The following SMOC2 variants were observed in gnomAD, a reference collection of about 807,000 sequenced individuals.
The protein encoded by SMOC2 is SPARC-related modular calcium-binding protein 2.
A neutral mutation model predicts 61.4 loss-of-function variants in SMOC2; 39 were observed. The ratio of observed to expected loss-of-function variants is 0.64; its 90% confidence interval spans 0.49 to 0.83. The LOEUF is 0.83. Among genes scored for constraint, SMOC2 ranks in the 40% least tolerant of loss-of-function variants. The pLI is 0.00. For missense variants in SMOC2, 556 were observed against 592.9 expected, an observed-to-expected ratio of 0.94 and a Z score of 0.65; for synonymous variants, 247 against 239.9, an observed-to-expected ratio of 1.03 and a Z score of -0.27.
At chr6:168,576,625 G>A (rs1784811502) in intron 7 of SMOC2, among the ~76,000 whole-genome samples, 1 of 152,026 alleles carries the variant, frequency 6.6e-6, no homozygotes, top group Non-Finnish European at 1.5e-5. Context: ...GGCGGGCCTC[G>A]CTCCATGGAA....
At chr6:168,626,742 A>C (rs953845953) in intron 9 of SMOC2, among the ~76,000 whole-genome samples, 2 of 152,228 alleles carry the variant, frequency 1.3e-5, no homozygotes, top group African/African-American at 4.8e-5. Flanking sequence ...TGTATCTTGG[A>C]GAGTGCGCCA....
At position 168,608,245 on chromosome 6, in the gene SMOC2, C is replaced by T. The variant is rs373411698; in HGVS notation, c.907+6C>T. On this transcript the variant is annotated splice_donor_region_variant and intron_variant, in intron 9 of 12. Transcript: ENST00000356284. Reference sequence around the variant, plus strand: ...CAAGGGCCGCCAGCTACAAGGTGAGCAGCACCCGCGAGTGTGGCCCGAATC... The same window carrying T: ...CAAGGGCCGCCAGCTACAAGGTGAGTAGCACCCGCGAGTGTGGCCCGAATC... 1 of 1,610,610 alleles carries T rather than the reference C, an allele frequency of 6.2e-7. No individual in the cohort carries two copies. The highest frequency in any genetic ancestry group is 8.5e-7 in the Non-Finnish European group (1 of 1,178,578).
chr6:168,640,726 A>G (rs953620255), intron 9 of SMOC2, among the ~76,000 whole-genome samples: 6 of 152,234 alleles, frequency 3.9e-5, no homozygotes, highest in African/African-American at 1.4e-4. Flanking sequence ...TTTTTCATAA[A>G]AGATACAAAA....
intron 11 of SMOC2, among the ~76,000 whole-genome samples, chr6:168,659,161 C>A (rs73789166): frequency 0.012 from 1,836 of 152,042 alleles, 42 homozygotes; most frequent in African/African-American, 0.042. Context: ...AAATGTCTGG[C>A]ATTCATCTAT....
intron 2 of SMOC2, among the ~76,000 whole-genome samples, chr6:168,521,963 C>T (rs889447950): frequency 3.3e-5 from 5 of 152,166 alleles, no homozygotes; most frequent in African/African-American, 9.7e-5. Flanking sequence ...TAAGAGCAAA[C>T]ATTTTCTAAA....
chr6:168,626,493 C>T (rs139478548), intron 9 of SMOC2, among the ~76,000 whole-genome samples: 7 of 152,306 alleles, frequency 4.6e-5, no homozygotes, highest in Non-Finnish European at 8.8e-5. Flanking sequence ...AACAGGAACA[C>T]CTGGCCGTGG....
At chr6:168,580,817 C>G (rs1275002337) in intron 7 of SMOC2, among the ~76,000 whole-genome samples, 1 of 152,178 alleles carries the variant, frequency 6.6e-6, no homozygotes, top group Non-Finnish European at 1.5e-5. Context: ...TGTGGGTAAG[C>G]CACCATGCCT....
intron 9 of SMOC2, among the ~76,000 whole-genome samples, chr6:168,638,581 G>T (rs949971043): frequency 3.9e-5 from 6 of 152,200 alleles, no homozygotes; most frequent in Non-Finnish European, 7.3e-5. Context: ...GCTCAGAGAG[G>T]AGCTCAGCTG....
chr6:168,622,666 G>A (rs1315940247), intron 9 of SMOC2, among the ~76,000 whole-genome samples: 1 of 152,126 alleles, frequency 6.6e-6, no homozygotes, highest in Non-Finnish European at 1.5e-5. Context: ...AGGGCTGCCT[G>A]TCTTGTCTTC....
intron 1 of SMOC2, among the ~76,000 whole-genome samples, chr6:168,492,842 A>G (rs1234843184): frequency 6.6e-5 from 10 of 152,210 alleles, no homozygotes; most frequent in Admixed American, 5.9e-4. Context: ...TGCCATCTAT[A>G]GAGTACAGAA....
rs1489231378 is a variant in SMOC2 at position 168,625,738 on chromosome 6, A to AAAGCAAATGC, written c.907+17500_907+17509dup. 3.9e-5 allele frequency among the ~76,000 whole-genome samples: 6 copies of AAAGCAAATGC among 152,288 alleles called. 1 individual carries two copies. The East Asian group carries it at 1.2e-3, about 30-fold the overall frequency. The stretch of plus-strand genomic sequence containing the variant: ...GAGCCCTGGGCCCCAGGAGCAAATG[A>AAAGCAAATGC]AAGCAAATGCGCCTGTCCACACCCA... On this transcript the variant is annotated intron_variant, in intron 9 of 12. Transcript: ENST00000356284.
chr6:168,524,904 C>T (rs1236944588), intron 2 of SMOC2, among the ~76,000 whole-genome samples: 1 of 152,226 alleles, frequency 6.6e-6, no homozygotes, highest in Non-Finnish European at 1.5e-5. Context: ...TTGTTAGAGG[C>T]GGAGCCTGTA....
chr6:168,620,839 G>A (rs1786223987), intron 9 of SMOC2, among the ~76,000 whole-genome samples: 1 of 152,184 alleles, frequency 6.6e-6, no homozygotes, highest in African/African-American at 2.4e-5. Flanking sequence ...TAATAGAAAT[G>A]GCCCAGCTGA....
chr6:168,469,543 G>A (rs968681968), intron 1 of SMOC2, among the ~76,000 whole-genome samples: 79 of 152,188 alleles, frequency 5.2e-4, no homozygotes, highest in Non-Finnish European at 1.5e-4. Flanking sequence ...CTTTCTGTTC[G>A]TAAATGGTGT....
At chr6:168,460,711 C>T (rs1365978176) in intron 1 of SMOC2, among the ~76,000 whole-genome samples, 1 of 152,196 alleles carries the variant, frequency 6.6e-6, no homozygotes, top group Admixed American at 6.5e-5. Flanking sequence ...CACATTTTAA[C>T]ATTGAAGTTG....
At chr6:168,456,357 G>A (rs1781586764) in intron 1 of SMOC2, among the ~76,000 whole-genome samples, 1 of 152,184 alleles carries the variant, frequency 6.6e-6, no homozygotes, top group African/African-American at 2.4e-5. Context: ...GCTGGCAGGT[G>A]GCCGCGGCCA....
At chr6:168,659,361 G>T (rs1787413783) in intron 11 of SMOC2, among the ~76,000 whole-genome samples, 1 of 151,962 alleles carries the variant, frequency 6.6e-6, no homozygotes, top group Admixed American at 6.6e-5. Flanking sequence ...CAAGGGACTG[G>T]CCCTGAGCCC....
At chr6:168,495,152 C>T (rs576748708) in intron 1 of SMOC2, among the ~76,000 whole-genome samples, 2 of 152,348 alleles carry the variant, frequency 1.3e-5, no homozygotes, top group African/African-American at 2.4e-5. Context: ...AAGCCATGCT[C>T]CTGCGCCCTA....
In SMOC2 at chr6:168,524,197, A is replaced by G. The variant is rs1783403235; in HGVS notation, c.257-2149A>G. 2.0e-5 allele frequency among the ~76,000 whole-genome samples: 3 copies of G among 152,120 alleles called. No individual in the cohort carries two copies. In the South Asian group the frequency reaches 6.2e-4, roughly 32 times the overall value. ...CACTTCTCTGTAGTAAAGATCTTGA[A>G]CCTGATTTAACACGAGATATCCAGA... On this transcript the variant is annotated intron_variant, in intron 2 of 12. Transcript: ENST00000356284.
Sources: allele counts gnomAD v4.1 joint callset (sites outside exome capture counted in the v4.1 genomes callset), GRCh38; gene constraint gnomAD v4.1.1; transcripts MANE v1.5; gene names NCBI Gene and HGNC (gene_info 2026-07-23, HGNC 2026-07-21).